The following CCM2L variants were observed in gnomAD, a reference collection of about 807,000 sequenced individuals.
The protein encoded by CCM2L is CCM2 like scaffold protein, also known as cerebral cavernous malformations 2 protein-like.
CCM2L carries 36 observed loss-of-function variants against 54.1 expected under a neutral mutation model. That is an observed-to-expected ratio of 0.67 (90% CI 0.51 to 0.88). CCM2L has a LOEUF of 0.88. CCM2L is among the 40% of genes least tolerant of loss of function. The pLI is 0.00. For synonymous variants in CCM2L, 351 were observed against 359.3 expected (o/e 0.98, Z 0.26); for missense variants, 700 against 812.1 (o/e 0.86, Z 1.68).
intron 5 of CCM2L, 32 bp downstream of exon 5, chr20:32,019,441 C>T: frequency 7.0e-7 from 1 of 1,434,732 alleles, no homozygotes. Flanking sequence ...TCCCAAAGCC[C>T]GGCTTCGGGA....
Position 32,017,992 on chromosome 20 carries a change from T to A in CCM2L, c.296T>A (p.Leu99Gln). The part of the protein sequence containing the change: ...LLDTARQLKE[L>Q]PLKTTAEQDS... Reference sequence around the variant, plus strand: ...CCCTCCCTGCAGCAGCTGAAGGAGCTGCCGCTGAAGACCACGGCGGAGCAG... The same window carrying A: ...CCCTCCCTGCAGCAGCTGAAGGAGCAGCCGCTGAAGACCACGGCGGAGCAG... The change falls in exon 4 of 10, where the codon CTG (leucine) becomes CAG (glutamine). Residue 99 changes from leucine (L) to glutamine (Q), a missense_variant. Leu to Gln is a moderately radical substitution (Grantham distance 113). Coordinates refer to ENST00000452892, the MANE Select transcript of CCM2L (RefSeq NM_001365692.1). 1 of 1,613,726 alleles carries A rather than the reference T, an allele frequency of 6.2e-7. No individual in the cohort carries two copies. The highest frequency in any genetic ancestry group is 8.5e-7 in the Non-Finnish European group (1 of 1,179,882).
rs549218405 is a variant in CCM2L at position 32,013,441 on chromosome 20, G to T, written c.31-1463G>T. Among the ~76,000 whole-genome samples, 46 of 152,104 alleles carry T rather than the reference G, an allele frequency of 3.0e-4. No homozygotes were observed. In the South Asian group the frequency reaches 7.3e-3, roughly 24 times the overall value. On this transcript the variant is annotated intron_variant, in intron 1 of 9. Transcript: ENST00000452892. ...TGTGTGTGTGGAGTGGGGGGGTGGG[G>T]GTTGTTTGTTTTGTTCCTTCGACAA...
rs768316262 is a variant in CCM2L at position 32,019,415 on chromosome 20, C to A, written c.933+6C>A. On this transcript the variant is annotated splice_donor_region_variant and intron_variant, in intron 5 of 9. Coordinates refer to ENST00000452892, the MANE Select transcript of CCM2L (RefSeq NM_001365692.1). ...TCCTGGCTGTAGCCAACAGGGTGAGCCCGAGGGCAGCCTGCTCCCAAAGCC... is the reference window on the plus strand; with the variant it reads ...TCCTGGCTGTAGCCAACAGGGTGAGACCGAGGGCAGCCTGCTCCCAAAGCC... 1 of 1,512,496 alleles carries A rather than the reference C, an allele frequency of 6.6e-7. No homozygotes were observed. The highest frequency in any genetic ancestry group is 1.2e-5 in the South Asian group (1 of 82,670). 93.7% of individuals were successfully genotyped at this position (1,512,496 alleles called of 1,614,324 possible). A position where few individuals can be genotyped will look rare whatever the true frequency, so the allele number is the denominator to read the frequency against.
chr20:32,025,161 T>TCTTTCTTTC (rs1465522386), intron 6 of CCM2L, among the ~76,000 whole-genome samples: 1 of 151,766 alleles, frequency 6.6e-6, no homozygotes, highest in Non-Finnish European at 1.5e-5. Flanking sequence ...CCCCTTTCTT[T>TCTTTCTTTC]CTTTCTTTCC....
chr20:32,021,441 A>T (rs1404148718), intron 5 of CCM2L, among the ~76,000 whole-genome samples: 2 of 152,142 alleles, frequency 1.3e-5, no homozygotes, highest in African/African-American at 4.8e-5. Flanking sequence ...AGATCACTAG[A>T]GCCCAGGAGT....
At chr20:32,012,966 G>A (rs2064706442) in intron 1 of CCM2L, among the ~76,000 whole-genome samples, 1 of 152,012 alleles carries the variant, frequency 6.6e-6, no homozygotes, top group Non-Finnish European at 1.5e-5. Flanking sequence ...CAGCTGAGCT[G>A]CCTTTTGAAA....
At chr20:32,022,950 A>ATTTTCT (rs529560111) in intron 6 of CCM2L, among the ~76,000 whole-genome samples, 155 bp downstream of exon 6, 1 of 150,316 alleles carries the variant, frequency 6.7e-6, no homozygotes, top group Non-Finnish European at 1.5e-5. Flanking sequence ...TGAAATGTCA[A>ATTTTCT]TTTTCTTTTT....
At chr20:32,020,546 A>ATC (rs1340373490) in intron 5 of CCM2L, among the ~76,000 whole-genome samples, 2 of 152,122 alleles carry the variant, frequency 1.3e-5, no homozygotes, top group Non-Finnish European at 2.9e-5. Context: ...TCCTCCCCCA[A>ATC]AACCTGCCAC....
chr20:32,010,454 C>A lies in CCM2L; in HGVS notation c.-1C>A. On this transcript the variant is annotated 5_prime_UTR_variant, in exon 1 of 10. Coordinates refer to ENST00000452892, the MANE Select transcript of CCM2L (RefSeq NM_001365692.1). ...GGCAGGAGTAGAGGGGACATTTCAC[C>A]ATGGAATATGAAGTCAAGAAAGGGA... is the stretch of plus-strand genomic sequence containing the variant. 1 of 1,538,862 alleles carries A rather than the reference C, an allele frequency of 6.5e-7. No homozygotes were observed. The highest frequency in any genetic ancestry group is 1.2e-5 in the South Asian group (1 of 83,870).
intron 1 of CCM2L, among the ~76,000 whole-genome samples, chr20:32,011,209 G>T (rs147652161): frequency 6.6e-6 from 1 of 150,444 alleles, no homozygotes; most frequent in East Asian, 2.0e-4. Flanking sequence ...CAAGACATAC[G>T]TGCATGTTTT....
In CCM2L at chr20:32,014,884, A is replaced by T; in HGVS notation, c.31-20A>T. 6.3e-7 allele frequency: 1 copy of T among 1,579,384 alleles called. No homozygotes were observed. On this transcript the variant is annotated intron_variant, in intron 1 of 9. Coordinates refer to ENST00000452892, the MANE Select transcript of CCM2L (RefSeq NM_001365692.1). ...AAAAGCAGCCACTGTTATCACTCTC[A>T]TTCCTCCTCTCCTCCCCAGGGCTTT...
intron 2 of CCM2L, 104 bp downstream of exon 2, chr20:32,015,175 G>A: frequency 8.2e-7 from 1 of 1,216,912 alleles, no homozygotes; most frequent in Non-Finnish European, 1.1e-6. Flanking sequence ...AGGGGAAGTT[G>A]TGGCTCATTG....
intron 1 of CCM2L, among the ~76,000 whole-genome samples, chr20:32,013,650 A>C (rs1162370751): frequency 6.6e-6 from 1 of 151,422 alleles, no homozygotes; most frequent in South Asian, 2.1e-4. Context: ...CAGTTTCACC[A>C]TGTTGTCAAG....
In CCM2L at chr20:32,018,016, A is replaced by T; in HGVS notation, c.320A>T (p.Gln107Leu). 2 of 1,613,830 alleles carry T rather than the reference A, an allele frequency of 1.2e-6. No individual in the cohort carries two copies. Among genetic ancestry groups the T allele is most frequent in the Non-Finnish European group, 1.7e-6 (2 of 1,179,982 alleles). Residue 107 changes from glutamine (Q) to leucine (L), a missense_variant, in exon 4 of 10, where the codon CAG becomes CTG. By Grantham distance (113) the Gln-to-Leu change is moderately radical. Coordinates refer to ENST00000452892, the MANE Select transcript of CCM2L (RefSeq NM_001365692.1). ...KELPLKTTAE[Q>L]DSILSLSARC... ...CTGCCGCTGAAGACCACGGCGGAGC[A>T]GGACAGCATCCTGAGCCTGTCTGCC...
At position 32,019,025 on chromosome 20, in the gene CCM2L, G is replaced by A. The variant is rs1020226354; in HGVS notation, c.549G>A (p.Ala183=). Residue 183 remains alanine (A), a synonymous_variant, in exon 5 of 10, where the codon GCG becomes GCA. Transcript: ENST00000452892. ...AGRDPGPPGG[A]PEKRRVGTAE... ...GCGACCCCGGCCCGCCAGGCGGGGC[G>A]CCCGAGAAGCGGCGGGTGGGCACCG... 8.3e-6 allele frequency: 11 copies of A among 1,325,994 alleles called. No individual in the cohort carries two copies. Among genetic ancestry groups the A allele is most frequent in the Non-Finnish European group, 8.6e-6 (9 of 1,046,892 alleles). 82.1% of individuals were successfully genotyped at this position (1,325,994 alleles called of 1,614,324 possible).
intron 1 of CCM2L, among the ~76,000 whole-genome samples, chr20:32,012,374 A>G (rs2122308896): frequency 6.6e-6 from 1 of 152,260 alleles, no homozygotes; most frequent in Admixed American, 6.5e-5. Context: ...ACTGGGCAAC[A>G]TAGTAAGACC....
intron 1 of CCM2L, among the ~76,000 whole-genome samples, chr20:32,012,473 G>T (rs886502514): frequency 6.6e-6 from 1 of 152,128 alleles, no homozygotes; most frequent in Non-Finnish European, 1.5e-5. Flanking sequence ...TGGGAGGATC[G>T]CTGAGTCAGA....
rs188685435 is a variant in CCM2L at position 32,011,628 on chromosome 20, T to A, written c.30+1144T>A. ...AATAAATACATAAATAAAAATTTTT[T>A]AAAAATCATAGGAGGTCCCATACTC... On this transcript the variant is annotated intron_variant, in intron 1 of 9. Transcript: ENST00000452892. 1.3e-3 allele frequency among the ~76,000 whole-genome samples: 193 copies of A among 152,092 alleles called. 1 individual carries two copies. The highest frequency in any genetic ancestry group is 4.2e-3 in the African/African-American group (173 of 41,468).
At position 32,029,060 on chromosome 20, in the gene CCM2L, C is replaced by G. The variant is rs1310516108; in HGVS notation, c.1199C>G (p.Ser400Cys). The G allele has an allele frequency of 2.5e-6, 4 of 1,614,146 alleles. No individual in the cohort carries two copies. In the South Asian group the frequency reaches 4.4e-5, roughly 18 times the overall value. Reference protein sequence around the residue: ...SGTSTPSFHGSHCSGSDHSSL... With the variant: ...SGTSTPSFHGCHCSGSDHSSL... ...ACGTCCACACCTTCTTTCCATGGCT[C>G]CCACTGCAGCGGCAGCGACCACAGC... The change falls in exon 8 of 10, where the codon TCC becomes TGC. Residue 400 changes from serine to cysteine, a missense_variant. Transcript: ENST00000452892.
Sources: allele counts gnomAD v4.1 joint callset (sites outside exome capture counted in the v4.1 genomes callset), GRCh38; gene constraint gnomAD v4.1.1; transcripts MANE v1.5; gene names NCBI Gene and HGNC (gene_info 2026-07-23, HGNC 2026-07-21).